The following UHRF2 variants were observed in gnomAD, a reference collection of about 807,000 sequenced individuals.
The protein encoded by UHRF2 is E3 ubiquitin-protein ligase UHRF2.
Under a neutral mutation model 96.8 loss-of-function variants are expected in UHRF2, and 23 were observed. That is an observed-to-expected ratio of 0.24 (90% confidence interval 0.17 to 0.34). The LOEUF (loss-of-function observed/expected upper bound fraction) is 0.34. UHRF2 is among the 10% of genes least tolerant of loss of function. The pLI is 1.00. For missense variants in UHRF2, 685 were observed against 981.5 expected (o/e 0.70, Z 4.04); for synonymous variants, 385 against 332.6 (o/e 1.16, Z -1.72).
In UHRF2 at chr9:6,477,776, A is replaced by G. The variant is rs770798436; in HGVS notation, c.1128A>G (p.Pro376=). The G allele has an allele frequency of 6.2e-7, 1 of 1,610,912 alleles. No individual in the cohort carries two copies. The highest frequency in any genetic ancestry group is 8.5e-7 in the Non-Finnish European group (1 of 1,177,944). The change falls in exon 6 of 16, where the codon CCA becomes CCG. Residue 376 remains proline, a synonymous_variant. Transcript: ENST00000276893. Reference sequence around the variant, plus strand: ...CTTATCATATTTACTGTCTGAATCCACCTTTGGATAAAGTCCCAGAAGAGG... The same window carrying G: ...CTTATCATATTTACTGTCTGAATCCGCCTTTGGATAAAGTCCCAGAAGAGG... ...NVAYHIYCLN[P]PLDKVPEEEY...
chr9:6,431,012 C>T (rs150875044), intron 2 of UHRF2, among the ~76,000 whole-genome samples: 3 of 152,152 alleles, frequency 2.0e-5, no homozygotes, highest in Non-Finnish European at 4.4e-5. Context: ...CTAATTACTT[C>T]AGTTCTTAAT....
intron 9 of UHRF2, among the ~76,000 whole-genome samples, chr9:6,490,390 G>A (rs1469622300): frequency 6.6e-6 from 1 of 152,190 alleles, no homozygotes; most frequent in African/African-American, 2.4e-5. Context: ...CACTTTCGGA[G>A]TCCGAGGTGG....
intron 4 of UHRF2, among the ~76,000 whole-genome samples, chr9:6,471,424 A>G (rs768573546): frequency 1.3e-5 from 2 of 152,242 alleles, no homozygotes; most frequent in Non-Finnish European, 2.9e-5. Flanking sequence ...GTTTTCAGCC[A>G]TACTTCACTA....
chr9:6,439,405 C>G (rs1821029471), intron 3 of UHRF2, among the ~76,000 whole-genome samples: 1 of 152,210 alleles, frequency 6.6e-6, no homozygotes, highest in South Asian at 2.1e-4. Flanking sequence ...AACTCCTGAC[C>G]TCAAGCCTCA....
chr9:6,455,446 T>A (rs558166741), intron 3 of UHRF2, among the ~76,000 whole-genome samples: 1 of 152,308 alleles, frequency 6.6e-6, no homozygotes, highest in Non-Finnish European at 1.5e-5. Flanking sequence ...GCTTCATCCC[T>A]GTCCCTACAA....
intron 3 of UHRF2, among the ~76,000 whole-genome samples, chr9:6,445,198 G>A (rs923620050): frequency 7.1e-6 from 1 of 141,578 alleles, no homozygotes; most frequent in Non-Finnish European, 1.5e-5. Context: ...TAAGGTTTTT[G>A]TTTTCTCTTA....
intron 6 of UHRF2, among the ~76,000 whole-genome samples, chr9:6,481,215 T>C (rs907507202): frequency 1.5e-4 from 23 of 152,342 alleles, no homozygotes; most frequent in African/African-American, 5.3e-4. Context: ...ATACTTGTTA[T>C]ATAAACTACC....
intron 3 of UHRF2, among the ~76,000 whole-genome samples, chr9:6,442,229 G>T (rs1441243970): frequency 1.3e-5 from 2 of 152,092 alleles, no homozygotes; most frequent in Admixed American, 6.5e-5. Flanking sequence ...CTCCCAAAGT[G>T]CTGGGATTAC....
At chr9:6,477,315 G>A (rs1166934275) in intron 5 of UHRF2, among the ~76,000 whole-genome samples, 4 of 151,514 alleles carry the variant, frequency 2.6e-5, no homozygotes, top group Non-Finnish European at 5.9e-5. Context: ...ACCTGAGGTT[G>A]GAAGTTTGAG....
chr9:6,480,113 TACTA>T (rs1823835696), intron 6 of UHRF2, among the ~76,000 whole-genome samples: 1 of 152,230 alleles, frequency 6.6e-6, no homozygotes, highest in Non-Finnish European at 1.5e-5. Flanking sequence ...CCTGTTTACT[TACTA>T]ACCTTGGTCT....
At chr9:6,433,138 C>T (rs1228102107) in intron 2 of UHRF2, among the ~76,000 whole-genome samples, 1 of 152,150 alleles carries the variant, frequency 6.6e-6, no homozygotes, top group East Asian at 1.9e-4. Flanking sequence ...CTGGCCTGAT[C>T]TTTTAAACAG....
At chr9:6,436,200 T>C (rs1252290464) in intron 3 of UHRF2, among the ~76,000 whole-genome samples, 1 of 152,238 alleles carries the variant, frequency 6.6e-6, no homozygotes, top group Non-Finnish European at 1.5e-5. Context: ...AACACTTCAG[T>C]ATTCAGATTT....
At chr9:6,461,887 A>G (rs541146748) in intron 4 of UHRF2, among the ~76,000 whole-genome samples, 1 of 152,134 alleles carries the variant, frequency 6.6e-6, no homozygotes, top group Non-Finnish European at 1.5e-5. Flanking sequence ...GTAATTACAT[A>G]AACATCCTTG....
At chr9:6,461,919 C>A (rs969858524) in intron 4 of UHRF2, among the ~76,000 whole-genome samples, 4 of 151,056 alleles carry the variant, frequency 2.6e-5, no homozygotes, top group African/African-American at 9.7e-5. Flanking sequence ...TTGTGCATTT[C>A]TTTTCTTTAG....
chr9:6,480,894 C>T (rs1324717727), intron 6 of UHRF2, among the ~76,000 whole-genome samples: 1 of 152,122 alleles, frequency 6.6e-6, no homozygotes, highest in Non-Finnish European at 1.5e-5. Context: ...CTTCTTTGCT[C>T]TAAAAGCTAC....
chr9:6,436,455 C>G (rs930341297), intron 3 of UHRF2, among the ~76,000 whole-genome samples: 2 of 152,120 alleles, frequency 1.3e-5, no homozygotes, highest in African/African-American at 4.8e-5. Flanking sequence ...TGTGTCAAAA[C>G]AGGTAAATAA....
At chr9:6,471,577 G>T (rs915201684) in intron 4 of UHRF2, among the ~76,000 whole-genome samples, 1 of 152,150 alleles carries the variant, frequency 6.6e-6, no homozygotes, top group African/African-American at 2.4e-5. Flanking sequence ...CATGTGATGA[G>T]GCTATCCAGG....
chr9:6,492,293 A>T, intron 9 of UHRF2: 1 of 1,244,436 alleles, frequency 8.0e-7, no homozygotes. Flanking sequence ...TCCCATAATA[A>T]CTTGAAAAGT....
chr9:6,446,984 G>T (rs551537356), intron 3 of UHRF2, among the ~76,000 whole-genome samples: 1 of 152,082 alleles, frequency 6.6e-6, no homozygotes, highest in African/African-American at 2.4e-5. Flanking sequence ...CGCCTCCCGG[G>T]TTCACGCCAT....
Sources: allele counts gnomAD v4.1 joint callset (sites outside exome capture counted in the v4.1 genomes callset), GRCh38; gene constraint gnomAD v4.1.1; transcripts MANE v1.5; gene names NCBI Gene and HGNC (gene_info 2026-07-23, HGNC 2026-07-21).